Variants in FBLN7 observed in about 807,000 individuals in gnomAD.
The protein encoded by FBLN7 is fibulin-7.
FBLN7 carries 31 observed loss-of-function variants against 44.0 expected under a neutral mutation model. The observed-to-expected ratio is 0.70, with a 90% CI of 0.53 to 0.95. The LOEUF (loss-of-function observed/expected upper bound fraction) is 0.95, where lower values mean the gene tolerates loss of function less well. Among genes scored for constraint, FBLN7 ranks in the 40% least tolerant of loss-of-function variants. The pLI, the probability that FBLN7 is intolerant of heterozygous loss-of-function variation, is 0.00. For missense variants in FBLN7, 573 were observed against 618.5 expected (o/e 0.93, Z 0.78); for synonymous variants, 262 against 253.4 (o/e 1.03, Z -0.32).
At chr2:112,231,231 G>C in the FBLN7 span, among the ~76,000 whole-genome samples, 3 of 151,996 alleles carry the variant, frequency 2.0e-5, no homozygotes, top group African/African-American at 7.2e-5. Flanking sequence ...AAGCACCTTT[G>C]ACTTTGTAAT....
At chr2:112,200,750 C>T in the FBLN7 span, among the ~76,000 whole-genome samples, 10 of 152,182 alleles carry the variant, frequency 6.6e-5, no homozygotes, top group East Asian at 1.7e-3. Context: ...AGGCTGGTCT[C>T]GAACTCCTGA....
In FBLN7 at chr2:112,144,328, T is replaced by C. The variant is rs1252308984; in HGVS notation, c.75+5598T>C. Among the ~76,000 whole-genome samples, 3 of 152,220 alleles carry C rather than the reference T, an allele frequency of 2.0e-5. No individual in the cohort carries two copies. In the South Asian group the frequency reaches 6.2e-4, roughly 32 times the overall value. On this transcript the variant is annotated intron_variant, in intron 1 of 7. Transcript: ENST00000331203. ...CTACAAGAACAGTTTTTATATTTTATTTTCACATTGAAAATCATTCAGATT... is the reference window on the plus strand; with the variant it reads ...CTACAAGAACAGTTTTTATATTTTACTTTCACATTGAAAATCATTCAGATT...
In FBLN7 at chr2:112,180,432, G is replaced by A. The variant is rs562732184; in HGVS notation, c.533-1307G>A. Among the ~76,000 whole-genome samples the A allele has an allele frequency of 2.6e-5, 4 of 152,260 alleles. No homozygotes were observed. In the East Asian group the frequency reaches 5.8e-4, roughly 22 times the overall value. On this transcript the variant is annotated intron_variant, in intron 4 of 7. Transcript: ENST00000331203. ...GTTCAACCATTGTGGAAAGCAGTAT[G>A]GTGATTCCTCAAAGAGCTAAAAGCA...
the FBLN7 span, among the ~76,000 whole-genome samples, chr2:112,217,674 T>C: frequency 5.9e-5 from 9 of 152,208 alleles, no homozygotes; most frequent in East Asian, 1.7e-3. Context: ...GCCAAAACAG[T>C]CTTTAGGTAC....
At chr2:112,165,854 C>T (rs1682128594) in intron 3 of FBLN7, among the ~76,000 whole-genome samples, 2 of 152,128 alleles carry the variant, frequency 1.3e-5, no homozygotes, top group African/African-American at 4.8e-5. Context: ...AGCCTTGGCA[C>T]AAAAATCTGT....
the FBLN7 span, chr2:112,213,265 C>G: frequency 6.6e-6 from 1 of 152,084 alleles, no homozygotes; most frequent in Non-Finnish European, 1.5e-5. Context: ...CCACTGCACC[C>G]GGCCTGAAGA....
the FBLN7 span, among the ~76,000 whole-genome samples, chr2:112,229,662 G>A: frequency 2.0e-5 from 3 of 152,114 alleles, no homozygotes; most frequent in African/African-American, 7.2e-5. Context: ...CCAACTCCCA[G>A]CCAATCTATA....
the FBLN7 span, among the ~76,000 whole-genome samples, chr2:112,200,454 G>A: frequency 1.3e-5 from 2 of 152,128 alleles, no homozygotes; most frequent in East Asian, 1.9e-4. Flanking sequence ...GGGAATTCTC[G>A]AATTACCTGA....
At chr2:112,139,220 C>T (rs1680515139) in intron 1 of FBLN7, among the ~76,000 whole-genome samples, 1 of 28,594 alleles carries the variant, frequency 3.5e-5, no homozygotes, top group Admixed American at 2.7e-4. Context: ...GTGTCCTTCA[C>T]GCCTCTCTCC....
chr2:112,184,764 A>G (rs1683173957), intron 6 of FBLN7, among the ~76,000 whole-genome samples: 3 of 125,704 alleles, frequency 2.4e-5, no homozygotes, highest in Non-Finnish European at 5.0e-5. Flanking sequence ...CATATATACC[A>G]TATATACGTA....
intron 2 of FBLN7, among the ~76,000 whole-genome samples, chr2:112,163,647 C>A (rs1012167046): frequency 6.6e-6 from 1 of 152,212 alleles, no homozygotes; most frequent in Non-Finnish European, 1.5e-5. Flanking sequence ...TCAGCTACTA[C>A]CCTGGCCTGA....
chr2:112,139,408 C>A (rs1472545258), intron 1 of FBLN7, among the ~76,000 whole-genome samples: 3 of 18,456 alleles, frequency 1.6e-4, no homozygotes, highest in Non-Finnish European at 2.9e-4. Flanking sequence ...AGTGTCCCTC[C>A]CGCCTCTCTC....
At chr2:112,167,857 C>T (rs1682240222) in intron 3 of FBLN7, among the ~76,000 whole-genome samples, 1 of 24,198 alleles carries the variant, frequency 4.1e-5, no homozygotes, top group Non-Finnish European at 9.7e-5. Flanking sequence ...TCATCTCTGT[C>T]CAGGAAAGAC....
intron 1 of FBLN7, among the ~76,000 whole-genome samples, chr2:112,158,524 C>G (rs1310774699): frequency 2.0e-5 from 3 of 152,014 alleles, no homozygotes; most frequent in Admixed American, 6.5e-5. Flanking sequence ...CAACCTCTGC[C>G]TCCCAGGTTC....
At chr2:112,159,892 C>G in intron 2 of FBLN7, 57 bp downstream of exon 2, 1 of 1,381,378 alleles carries the variant, frequency 7.2e-7, no homozygotes, top group Non-Finnish European at 9.4e-7. Flanking sequence ...GCACTCTCCC[C>G]GAGACGCTCC....
the FBLN7 span, chr2:112,238,569 G>T: frequency 1.3e-6 from 2 of 1,513,230 alleles, no homozygotes; most frequent in Non-Finnish European, 1.8e-6. Context: ...AACCTAGCAT[G>T]ATTCAAAACA....
the FBLN7 span, among the ~76,000 whole-genome samples, chr2:112,205,635 G>T: frequency 1.3e-5 from 2 of 152,090 alleles, no homozygotes; most frequent in East Asian, 3.8e-4. Flanking sequence ...GCTCATATTT[G>T]TGTGGACCTA....
chr2:112,160,754 ACACACG>A (rs1681773159), intron 2 of FBLN7, among the ~76,000 whole-genome samples: 1 of 87,750 alleles, frequency 1.1e-5, no homozygotes, highest in African/African-American at 4.6e-5. Context: ...ACGCGCACGC[ACACACG>A]CACGCACACG....
chr2:112,175,582 T>G (rs1573817959), intron 3 of FBLN7, 132 bp from the exon 4 acceptor site: 2 of 1,156,400 alleles, frequency 1.7e-6, no homozygotes, highest in Non-Finnish European at 2.4e-6. Context: ...GTGGAAAGAG[T>G]GGGTGGGGTC....
Sources: allele counts gnomAD v4.1 joint callset (sites outside exome capture counted in the v4.1 genomes callset), GRCh38; gene constraint gnomAD v4.1.1; transcripts MANE v1.5; gene names NCBI Gene and HGNC (gene_info 2026-07-23, HGNC 2026-07-21).